LDB2: variants seen among roughly 807,000 people sequenced by gnomAD.
LDB2 encodes the protein LIM domain binding 2, also known as LIM domain-binding protein 2.
Under a neutral mutation model 44.3 loss-of-function variants are expected in LDB2, and 12 were observed. The observed-to-expected ratio is 0.27, with a 90% confidence interval of 0.17 to 0.44. LDB2 has a LOEUF of 0.44. LDB2 is among the 20% of genes least tolerant of loss of function. The pLI is 1.00. For missense variants in LDB2, 344 were observed against 473.5 expected (o/e 0.73, Z 2.54); for synonymous variants, 164 against 174.8 (o/e 0.94, Z 0.49).
intron 6 of LDB2, among the ~76,000 whole-genome samples, chr4:16,510,344 C>T (rs557616271): frequency 2.0e-5 from 3 of 152,010 alleles, no homozygotes; most frequent in East Asian, 1.9e-4. Flanking sequence ...TTCCTTCCAT[C>T]GAGTTCAGGG....
intron 2 of LDB2, among the ~76,000 whole-genome samples, chr4:16,713,919 T>C (rs1048979406): frequency 2.6e-5 from 4 of 152,182 alleles, no homozygotes; most frequent in South Asian, 4.1e-4. Flanking sequence ...TGGATGTCCA[T>C]TGATAGATTA....
intron 2 of LDB2, among the ~76,000 whole-genome samples, chr4:16,666,210 C>G (rs535143042): frequency 1.3e-5 from 2 of 152,330 alleles, no homozygotes; most frequent in African/African-American, 2.4e-5. Context: ...TTATCAAAAT[C>G]CACAGGACAA....
At position 16,674,128 on chromosome 4, in the gene LDB2, G is replaced by T. The variant is rs1745637340; in HGVS notation, c.236-78253C>A. ...AAGGAAGTTGGAAAGATTTCCCTGAGAATATTTCCCATTTTACGCATTTCC... is the reference window on the plus strand; with the variant it reads ...AAGGAAGTTGGAAAGATTTCCCTGATAATATTTCCCATTTTACGCATTTCC... On this transcript the variant is annotated intron_variant, in intron 2 of 7. Transcript: ENST00000304523. 1.7e-5 allele frequency: 12 copies of T among 724,928 alleles called. No homozygotes were observed. In the South Asian group the frequency reaches 1.9e-4, roughly 11 times the overall value. The allele number at this position is 724,928 out of a possible 1,614,324, so 44.9% of individuals were successfully genotyped here. A position where few individuals can be genotyped will look rare whatever the true frequency, so the allele number is the denominator to read the frequency against.
chr4:16,814,842 A>G (rs558851018), intron 1 of LDB2, among the ~76,000 whole-genome samples: 2 of 152,334 alleles, frequency 1.3e-5, no homozygotes, highest in South Asian at 2.1e-4. Context: ...TGGAGAAACA[A>G]CAAAACTTCC....
chr4:16,789,585 A>C (rs1775251804), intron 1 of LDB2, among the ~76,000 whole-genome samples: 1 of 152,236 alleles, frequency 6.6e-6, no homozygotes. Flanking sequence ...CCATTTACTC[A>C]CTGCTTACTA....
intron 2 of LDB2, among the ~76,000 whole-genome samples, chr4:16,710,734 C>G (rs914971013): frequency 6.6e-6 from 1 of 152,166 alleles, no homozygotes; most frequent in African/African-American, 2.4e-5. Context: ...TATCCCTAAA[C>G]AATATTTAGA....
chr4:16,523,233 A>G (rs988076074), intron 5 of LDB2, among the ~76,000 whole-genome samples: 4 of 152,194 alleles, frequency 2.6e-5, no homozygotes, highest in African/African-American at 9.7e-5. Flanking sequence ...AATAGTACCA[A>G]ATTCTATATA....
chr4:16,561,618 A>G (rs1218772963), intron 5 of LDB2, among the ~76,000 whole-genome samples: 1 of 152,216 alleles, frequency 6.6e-6, no homozygotes, highest in African/African-American at 2.4e-5. Context: ...AGGAAGAATC[A>G]ATATCCTGAA....
intron 1 of LDB2, among the ~76,000 whole-genome samples, chr4:16,790,512 A>T (rs1333257645): frequency 6.6e-6 from 1 of 152,216 alleles, no homozygotes; most frequent in Non-Finnish European, 1.5e-5. Flanking sequence ...CATAGGAAAA[A>T]AATATATAAA....
chr4:16,821,759 A>AAAAAAAAAAAAT (rs1782107276), intron 1 of LDB2, among the ~76,000 whole-genome samples: 1 of 149,590 alleles, frequency 6.7e-6, no homozygotes, highest in Non-Finnish European at 1.5e-5. Flanking sequence ...AAAAAAAAAA[A>AAAAAAAAAAAAT]AAAAAAAAAA....
At chr4:16,664,176 T>C (rs1742386244) in intron 2 of LDB2, among the ~76,000 whole-genome samples, 1 of 152,148 alleles carries the variant, frequency 6.6e-6, no homozygotes, top group African/African-American at 2.4e-5. Flanking sequence ...GCTAGAGTCT[T>C]CAGGAATGAG....
intron 1 of LDB2, among the ~76,000 whole-genome samples, chr4:16,778,834 C>A (rs1772531736): frequency 1.3e-5 from 2 of 152,126 alleles, no homozygotes; most frequent in African/African-American, 4.8e-5. Context: ...ATCACATAGA[C>A]AAATATATAA....
intron 2 of LDB2, among the ~76,000 whole-genome samples, chr4:16,697,116 A>G (rs1433595787): frequency 6.6e-6 from 1 of 152,068 alleles, no homozygotes; most frequent in African/African-American, 2.4e-5. Flanking sequence ...AGAATAAATT[A>G]CAAGTTCTTC....
chr4:16,683,642 C>A (rs149590574), intron 2 of LDB2, among the ~76,000 whole-genome samples: 9 of 152,290 alleles, frequency 5.9e-5, no homozygotes, highest in African/African-American at 2.2e-4. Context: ...AAGACCATTG[C>A]CACTAGAAAT....
In LDB2 at chr4:16,685,611, C is replaced by T. The variant is rs561821389; in HGVS notation, c.235+73547G>A. On this transcript the variant is annotated intron_variant, in intron 2 of 7. Transcript: ENST00000304523. ...AGTAGCAGGGGGAAGGAAGCAGATT[C>T]GATGTCCCAATGTGAATGGAATCCA... Among the ~76,000 whole-genome samples the T allele has an allele frequency of 1.4e-4, 21 of 152,198 alleles. No individual in the cohort carries two copies. In the South Asian group the frequency reaches 3.5e-3, roughly 26 times the overall value.
At chr4:16,642,683 T>A (rs1407448182) in intron 2 of LDB2, among the ~76,000 whole-genome samples, 3 of 152,158 alleles carry the variant, frequency 2.0e-5, no homozygotes, top group African/African-American at 7.2e-5. Context: ...TGGAGGTGGC[T>A]CTTGAAAGGA....
At chr4:16,531,573 T>G (rs1214839150) in intron 5 of LDB2, among the ~76,000 whole-genome samples, 1 of 152,228 alleles carries the variant, frequency 6.6e-6, no homozygotes, top group Non-Finnish European at 1.5e-5. Flanking sequence ...TTCCTTTTGA[T>G]GATGAAACAC....
intron 1 of LDB2, among the ~76,000 whole-genome samples, chr4:16,866,345 C>T (rs1225685960): frequency 6.6e-6 from 1 of 152,060 alleles, no homozygotes; most frequent in Non-Finnish European, 1.5e-5. Context: ...ATAGTTTTTA[C>T]TTTTCAAAAT....
intron 5 of LDB2, among the ~76,000 whole-genome samples, chr4:16,583,893 C>T (rs544695193): frequency 6.6e-6 from 1 of 152,308 alleles, no homozygotes; most frequent in African/African-American, 2.4e-5. Context: ...CCACATCCCA[C>T]CAGCCTGTGA....
Sources: allele counts gnomAD v4.1 joint callset (sites outside exome capture counted in the v4.1 genomes callset), GRCh38; gene constraint gnomAD v4.1.1; transcripts MANE v1.5; gene names NCBI Gene and HGNC (gene_info 2026-07-23, HGNC 2026-07-21).